The following SBF2 variants were observed in gnomAD, a reference collection of about 807,000 sequenced individuals.
SBF2 encodes the protein myotubularin-related protein 13.
A neutral mutation model predicts 225.2 loss-of-function variants in SBF2; 112 were observed. That is an observed-to-expected ratio of 0.50 (90% CI 0.43 to 0.58). The LOEUF (loss-of-function observed/expected upper bound fraction) is 0.58, where lower values mean the gene tolerates loss of function less well. Among genes scored for constraint, SBF2 ranks in the 20% least tolerant of loss-of-function variants. The pLI is 0.00. For synonymous variants in SBF2, 763 were observed against 773.3 expected, an observed-to-expected ratio of 0.99 and a Z score of 0.22; for missense variants, 1,996 against 2,206.2, an observed-to-expected ratio of 0.90 and a Z score of 1.91.
chr11:10,132,384 G>A (rs939520785), intron 2 of SBF2, among the ~76,000 whole-genome samples: 2 of 151,994 alleles, frequency 1.3e-5, no homozygotes, highest in Admixed American at 6.6e-5. Context: ...GGACCCTCGC[G>A]GTGAGTGTTA....
At chr11:9,806,772 A>G (rs1440777582) in intron 32 of SBF2, among the ~76,000 whole-genome samples, 1 of 152,198 alleles carries the variant, frequency 6.6e-6, no homozygotes, top group Non-Finnish European at 1.5e-5. Flanking sequence ...GTCACTGCTC[A>G]TGAGTATGGA....
At chr11:10,049,016 A>G (rs1232782318) in intron 2 of SBF2, among the ~76,000 whole-genome samples, 1 of 152,224 alleles carries the variant, frequency 6.6e-6, no homozygotes, top group Admixed American at 6.5e-5. Flanking sequence ...TTATCTGAAA[A>G]AGCTACTAAA....
intron 1 of SBF2, among the ~76,000 whole-genome samples, chr11:10,257,926 C>CAG (rs1251807774): frequency 2.0e-5 from 3 of 152,036 alleles, no homozygotes; most frequent in Admixed American, 1.3e-4. Context: ...CAGTGCACTC[C>CAG]AGCCTGGGTG....
chr11:10,102,253 G>C (rs553127019), intron 2 of SBF2, among the ~76,000 whole-genome samples: 43 of 152,194 alleles, frequency 2.8e-4, no homozygotes, highest in Non-Finnish European at 5.0e-4. Flanking sequence ...GGAACATGTG[G>C]AGTTAGCCTG....
At chr11:10,082,488 G>A (rs767513973) in intron 2 of SBF2, among the ~76,000 whole-genome samples, 5 of 151,898 alleles carry the variant, frequency 3.3e-5, no homozygotes, top group Non-Finnish European at 7.4e-5. Context: ...AATCCTTGAC[G>A]GAATACTAGA....
intron 16 of SBF2, among the ~76,000 whole-genome samples, chr11:9,924,666 A>G (rs527969465): frequency 6.6e-6 from 1 of 152,278 alleles, no homozygotes; most frequent in Admixed American, 6.5e-5. Flanking sequence ...TCCTGACCTC[A>G]GGCGATCCAC....
chr11:10,022,339 T>A (rs1948891963), intron 6 of SBF2, among the ~76,000 whole-genome samples: 1 of 152,186 alleles, frequency 6.6e-6, no homozygotes, highest in African/African-American at 2.4e-5. Flanking sequence ...GTATGTAGAC[T>A]TTTTGTTATG....
At chr11:9,916,087 C>A (rs759192015) in intron 16 of SBF2, among the ~76,000 whole-genome samples, 3 of 151,786 alleles carry the variant, frequency 2.0e-5, no homozygotes, top group Non-Finnish European at 4.4e-5. Context: ...ACAAAAAAAC[C>A]AAATAGTAAT....
At chr11:10,102,387 G>C (rs1479211486) in intron 2 of SBF2, among the ~76,000 whole-genome samples, 1 of 152,194 alleles carries the variant, frequency 6.6e-6, no homozygotes. Flanking sequence ...AATAAAAGTT[G>C]CTAAGAGTTA....
At chr11:10,163,327 C>T (rs935672286) in intron 2 of SBF2, among the ~76,000 whole-genome samples, 1 of 152,090 alleles carries the variant, frequency 6.6e-6, no homozygotes, top group Non-Finnish European at 1.5e-5. Context: ...AACTAATTTT[C>T]CACACCTTGG....
At chr11:9,881,082 A>T (rs1027922644) in intron 17 of SBF2, among the ~76,000 whole-genome samples, 3 of 152,240 alleles carry the variant, frequency 2.0e-5, no homozygotes, top group Admixed American at 2.0e-4. Context: ...TCACAGAGAT[A>T]CTAGTGCTCC....
At chr11:9,917,493 A>T (rs1410080533) in intron 16 of SBF2, among the ~76,000 whole-genome samples, 1 of 151,288 alleles carries the variant, frequency 6.6e-6, no homozygotes, top group Non-Finnish European at 1.5e-5. Flanking sequence ...CACCAGGCCC[A>T]GCTAATTTTT....
chr11:10,062,913 C>G (rs564387109), intron 2 of SBF2, among the ~76,000 whole-genome samples: 1 of 152,222 alleles, frequency 6.6e-6, no homozygotes, highest in African/African-American at 2.4e-5. Context: ...GCACTGTTCA[C>G]AACAGCAAAG....
At chr11:9,928,723 T>G (rs1318199478) in intron 16 of SBF2, among the ~76,000 whole-genome samples, 1 of 152,220 alleles carries the variant, frequency 6.6e-6, no homozygotes, top group East Asian at 1.9e-4. Flanking sequence ...TGTGAATGGA[T>G]AAGCAAAAGT....
chr11:9,798,394 A>G (rs987839711), intron 32 of SBF2, among the ~76,000 whole-genome samples: 1 of 152,116 alleles, frequency 6.6e-6, no homozygotes, highest in African/African-American at 2.4e-5. Flanking sequence ...GGTTACTCAG[A>G]TTGTGGATGC....
chr11:10,118,359 T>C (rs1303515638), intron 2 of SBF2, among the ~76,000 whole-genome samples: 1 of 152,138 alleles, frequency 6.6e-6, no homozygotes, highest in Non-Finnish European at 1.5e-5. Context: ...AAAAGTCAAG[T>C]GTCAGGCAGA....
At chr11:9,904,547 C>G (rs1189643139) in intron 16 of SBF2, among the ~76,000 whole-genome samples, 3 of 152,090 alleles carry the variant, frequency 2.0e-5, no homozygotes, top group Non-Finnish European at 4.4e-5. Context: ...ATAGTTCAAG[C>G]AGGTAGAAAA....
chr11:9,817,352 G>A (rs887000157), intron 28 of SBF2, among the ~76,000 whole-genome samples: 4 of 152,082 alleles, frequency 2.6e-5, no homozygotes, highest in South Asian at 2.1e-4. Context: ...AACAAAACAT[G>A]CTGGCAGGAG....
At chr11:9,921,135 A>G (rs1863595588) in intron 16 of SBF2, among the ~76,000 whole-genome samples, 1 of 125,516 alleles carries the variant, frequency 8.0e-6, no homozygotes, top group Admixed American at 1.0e-4. Context: ...CAATGGCTTG[A>G]TCTCAGCTCA....
Sources: gnomAD v4.1 joint callset for allele counts (sites outside exome capture counted in the v4.1 genomes callset) on GRCh38, gnomAD v4.1.1 for gene constraint, MANE v1.5 for transcripts, NCBI Gene and HGNC (gene_info 2026-07-23, HGNC 2026-07-21) for gene names.